TIMD4: variants seen among roughly 807,000 people sequenced by gnomAD.
TIMD4 encodes the protein T cell immunoglobulin and mucin domain containing 4.
Under a neutral mutation model 41.2 loss-of-function variants are expected in TIMD4, and 31 were observed. The observed-to-expected ratio is 0.75, with a 90% CI of 0.57 to 1.01. The LOEUF is 1.01. Among genes scored for constraint, TIMD4 ranks in the 50% least tolerant of loss-of-function variants. The pLI is 0.00. For missense variants in TIMD4, 479 were observed against 472.5 expected (o/e 1.01, Z -0.13); for synonymous variants, 204 against 177.1 (o/e 1.15, Z -1.21).
At chr5:156,940,604 C>T (rs1411498972) in intron 5 of TIMD4, among the ~76,000 whole-genome samples, 1 of 142,112 alleles carries the variant, frequency 7.0e-6, no homozygotes, top group African/African-American at 3.0e-5. Context: ...TCTGCCCGGC[C>T]GCCCCGTCTG....
chr5:156,932,683 C>G (rs753124308), intron 5 of TIMD4, among the ~76,000 whole-genome samples: 1 of 152,018 alleles, frequency 6.6e-6, no homozygotes, highest in African/African-American at 2.4e-5. Flanking sequence ...TCTCGTGAGA[C>G]GAAAATTATT....
At chr5:156,961,366 A>T (rs1229455658) in intron 1 of TIMD4, among the ~76,000 whole-genome samples, 2 of 152,262 alleles carry the variant, frequency 1.3e-5, no homozygotes, top group Non-Finnish European at 2.9e-5. Flanking sequence ...ATGATCCAAC[A>T]ATCCCACTAC....
At chr5:156,950,548 G>A (rs1759833319) in intron 3 of TIMD4, among the ~76,000 whole-genome samples, 1 of 152,176 alleles carries the variant, frequency 6.6e-6, no homozygotes, top group Non-Finnish European at 1.5e-5. Context: ...ATCTAAGAAA[G>A]CCTTCAAGCT....
In TIMD4 at chr5:156,919,348, C is replaced by T; in HGVS notation, c.*109G>A. The T allele has an allele frequency of 3.1e-6, 3 of 981,128 alleles. No individual in the cohort carries two copies. The Middle Eastern group carries it at 6.4e-4, about 209-fold the overall frequency. The allele number at this position is 981,128 out of a possible 1,614,324, so 60.8% of individuals were successfully genotyped here. A position where few individuals can be genotyped will look rare whatever the true frequency, so the allele number is the denominator to read the frequency against. On this transcript the variant is annotated 3_prime_UTR_variant, in exon 9 of 9. Transcript: ENST00000274532. ...AACTAAAGCAAGCCTGGATCAATGA[C>T]ATCCATGGAATAAGTGAGTCTTTTT...
At chr5:156,951,908 C>A in intron 2 of TIMD4, 118 bp from the exon 3 acceptor site, 1 of 1,358,640 alleles carries the variant, frequency 7.4e-7, no homozygotes, top group Admixed American at 1.9e-5. Context: ...CTGGCCTGGA[C>A]GATTGTAATG....
In TIMD4 at chr5:156,951,523, A is replaced by G; in HGVS notation, c.668T>C (p.Ile223Thr). 1 of 1,614,134 alleles carries G rather than the reference A, an allele frequency of 6.2e-7. No homozygotes were observed. The highest frequency in any genetic ancestry group is 8.5e-7 in the Non-Finnish European group (1 of 1,180,022). ...LTPEPSKEGP[I>T]LTAESETVLP... ...ATACATCTGCGTACCTGCAGTGAGG[A>G]TGGGCCCTTCCTTAGAAGGCTCGGG... is the stretch of plus-strand genomic sequence containing the variant. Residue 223 changes from isoleucine (I) to threonine (T), a missense_variant, in exon 3 of 9, where the codon ATC becomes ACC. By Grantham distance (89) the Ile-to-Thr change is moderately conservative (BLOSUM62 -1). Transcript: ENST00000274532.
At chr5:156,946,602 G>T (rs540093164) in intron 5 of TIMD4, among the ~76,000 whole-genome samples, 1 of 151,518 alleles carries the variant, frequency 6.6e-6, no homozygotes, top group South Asian at 2.1e-4. Flanking sequence ...TCAGCCTCTC[G>T]AGTAGCTAGG....
At chr5:156,945,163 C>A (rs1486916980) in intron 5 of TIMD4, among the ~76,000 whole-genome samples, 2 of 152,112 alleles carry the variant, frequency 1.3e-5, no homozygotes, top group South Asian at 4.1e-4. Flanking sequence ...TAAGAGGCAC[C>A]AGAGGGGAGA....
intron 4 of TIMD4, among the ~76,000 whole-genome samples, chr5:156,948,888 G>A (rs912901618): frequency 3.9e-5 from 6 of 152,348 alleles, no homozygotes; most frequent in African/African-American, 1.4e-4. Context: ...TTACCTTACA[G>A]ATGTCTGTTT....
In TIMD4 at chr5:156,924,579, G is replaced by C. The variant is rs1759311470; in HGVS notation, c.894+1684C>G. The C allele has an allele frequency of 1.1e-5, 3 of 276,890 alleles. No homozygotes were observed. In the South Asian group the frequency reaches 1.4e-4, roughly 13 times the overall value. The allele number at this position is 276,890 out of a possible 1,614,324, so 17.2% of individuals were successfully genotyped here. A position where few individuals can be genotyped will look rare whatever the true frequency, so the allele number is the denominator to read the frequency against. ...AGCCTCTATCCATTATCCACAGCAA[G>C]CCATCGAGTTTGTGCAGGTCAGAAA... On this transcript the variant is annotated intron_variant, in intron 6 of 8. Transcript: ENST00000274532.
Position 156,954,704 on chromosome 5 carries a change from A to C in TIMD4, c.111T>G (p.Thr37=). The C allele has an allele frequency of 6.2e-7, 1 of 1,614,022 alleles. No homozygotes were observed. The highest frequency in any genetic ancestry group is 8.5e-7 in the Non-Finnish European group (1 of 1,179,912). Reference sequence around the variant, plus strand: ...ACCAGGATGAGTACAGACAGGGCAAAGTCACCCGGTGACCCAAAACCTCCG... The same window carrying C: ...ACCAGGATGAGTACAGACAGGGCAACGTCACCCGGTGACCCAAAACCTCCG... ...VVTEVLGHRV[T]LPCLYSSWSH... The change falls in exon 2 of 9, where the codon ACT becomes ACG. Residue 37 remains threonine (T), a synonymous_variant. Transcript: ENST00000274532.
intron 6 of TIMD4, among the ~76,000 whole-genome samples, chr5:156,923,481 G>T (rs1332208538): frequency 6.6e-6 from 1 of 151,764 alleles, no homozygotes; most frequent in South Asian, 2.1e-4. Context: ...AAATGTCTCA[G>T]TTTTTTCTGC....
At chr5:156,934,295 A>G (rs1324719313) in intron 5 of TIMD4, among the ~76,000 whole-genome samples, 2 of 152,202 alleles carry the variant, frequency 1.3e-5, no homozygotes, top group Non-Finnish European at 2.9e-5. Flanking sequence ...GCCTAGGCTT[A>G]AGTGCAGTGT....
At chr5:156,926,366 T>C in intron 5 of TIMD4, 54 bp from the exon 6 acceptor site, 1 of 1,577,094 alleles carries the variant, frequency 6.3e-7, no homozygotes, top group Non-Finnish European at 8.7e-7. Flanking sequence ...GAATAAAATA[T>C]CACATCCTGA....
chr5:156,937,267 CCTCT>C (rs1382437414), intron 5 of TIMD4, among the ~76,000 whole-genome samples: 1 of 152,182 alleles, frequency 6.6e-6, no homozygotes, highest in South Asian at 2.1e-4. Context: ...CACTTCTTTT[CCTCT>C]CTAATATACT....
intron 1 of TIMD4, among the ~76,000 whole-genome samples, chr5:156,956,665 C>A (rs1204607940): frequency 6.6e-6 from 1 of 152,192 alleles, no homozygotes; most frequent in Non-Finnish European, 1.5e-5. Flanking sequence ...AAATGTTAAG[C>A]CCATTGGTTT....
At chr5:156,923,561 A>T (rs1052938202) in intron 6 of TIMD4, among the ~76,000 whole-genome samples, 5 of 151,646 alleles carry the variant, frequency 3.3e-5, no homozygotes, top group Admixed American at 2.6e-4. Context: ...TTTTGTAGAG[A>T]CAAGGTCTTG....
intron 5 of TIMD4, among the ~76,000 whole-genome samples, chr5:156,940,949 A>T (rs1256137965): frequency 6.6e-6 from 1 of 152,056 alleles, no homozygotes; most frequent in Non-Finnish European, 1.5e-5. Flanking sequence ...GACATAGGAG[A>T]CTCCATTTTG....
At chr5:156,940,205 G>C (rs966870274) in intron 5 of TIMD4, among the ~76,000 whole-genome samples, 1 of 152,232 alleles carries the variant, frequency 6.6e-6, no homozygotes, top group East Asian at 1.9e-4. Context: ...TGATCTGCCC[G>C]CCTCGGCCTC....
Sources: gnomAD v4.1 joint callset for allele counts (sites outside exome capture counted in the v4.1 genomes callset) on GRCh38, gnomAD v4.1.1 for gene constraint, MANE v1.5 for transcripts, NCBI Gene and HGNC (gene_info 2026-07-23, HGNC 2026-07-21) for gene names.